The following PDE1A variants were observed in gnomAD, a reference collection of about 807,000 sequenced individuals.
The protein encoded by PDE1A is dual specificity calcium/calmodulin-dependent 3',5'-cyclic nucleotide phosphodiesterase 1A.
A neutral mutation model predicts 61.7 loss-of-function variants in PDE1A; 35 were observed. The observed-to-expected ratio is 0.57, with a 90% CI of 0.43 to 0.75. The LOEUF is 0.75. Among genes scored for constraint, PDE1A ranks in the 30% least tolerant of loss-of-function variants. The pLI is 0.00. For missense variants in PDE1A, 597 were observed against 630.6 expected (o/e 0.95, Z 0.57); for synonymous variants, 232 against 213.2 (o/e 1.09, Z -0.77).
chr2:182,460,838 A>G (rs1686235998), intron 2 of PDE1A, among the ~76,000 whole-genome samples: 1 of 152,188 alleles, frequency 6.6e-6, no homozygotes, highest in East Asian at 1.9e-4. Context: ...AAGTAATTGT[A>G]GTTTTTGTTA....
chr2:182,656,169 A>G, the PDE1A span, among the ~76,000 whole-genome samples: 2 of 152,246 alleles, frequency 1.3e-5, no homozygotes, highest in Non-Finnish European at 2.9e-5. Flanking sequence ...ATTCTTAGCC[A>G]TCATGATACC....
At chr2:182,408,705 GCTCT>G (rs1036408498) in intron 1 of PDE1A, among the ~76,000 whole-genome samples, 39 of 152,270 alleles carry the variant, frequency 2.6e-4, no homozygotes, top group Admixed American at 1.8e-3. Context: ...TACACCTACT[GCTCT>G]CTCTATCACT....
the PDE1A span, among the ~76,000 whole-genome samples, chr2:182,533,971 G>A: frequency 1.5e-4 from 23 of 151,842 alleles, no homozygotes; most frequent in South Asian, 4.2e-4. Flanking sequence ...GATATCAATG[G>A]CAACATTTTA....
chr2:182,378,125 C>A (rs1285536480), intron 1 of PDE1A, among the ~76,000 whole-genome samples: 2 of 152,156 alleles, frequency 1.3e-5, no homozygotes, highest in African/African-American at 2.4e-5. Flanking sequence ...GGATTACAGG[C>A]GTGAGCCACC....
chr2:182,455,345 G>T (rs575616048), intron 2 of PDE1A, among the ~76,000 whole-genome samples: 1 of 152,284 alleles, frequency 6.6e-6, no homozygotes, highest in African/African-American at 2.4e-5. Flanking sequence ...GGAAGTCAGT[G>T]TGGCGATTCC....
At chr2:182,601,564 G>C in the PDE1A span, among the ~76,000 whole-genome samples, 1 of 152,192 alleles carries the variant, frequency 6.6e-6, no homozygotes, top group Non-Finnish European at 1.5e-5. Flanking sequence ...CCTGTGACCA[G>C]GAAGAATGAG....
chr2:182,716,291 C>G, the PDE1A span: 4 of 152,450 alleles, frequency 2.6e-5, no homozygotes, highest in African/African-American at 7.2e-5. Context: ...CGTGAGGAAC[C>G]TACCGGTACC....
chr2:182,426,849 C>T, exon 1 of PDE1A: 1 of 1,366,878 alleles, frequency 7.3e-7, no homozygotes, highest in Non-Finnish European at 9.4e-7. Flanking sequence ...GGGGCACTCC[C>T]CCACAGAGCA....
intron 2 of PDE1A, among the ~76,000 whole-genome samples, chr2:182,455,518 C>T (rs1227877667): frequency 1.3e-5 from 2 of 152,108 alleles, no homozygotes; most frequent in Admixed American, 1.3e-4. Context: ...AAATGTCCAA[C>T]AATGATAGAC....
intron 13 of PDE1A, among the ~76,000 whole-genome samples, chr2:182,153,352 G>C (rs905441949): frequency 2.6e-5 from 4 of 152,160 alleles, no homozygotes; most frequent in Admixed American, 6.5e-5. Context: ...GAGGAGGTAC[G>C]GTGGAGCCTG....
chr2:182,293,282 C>T (rs371641796), intron 1 of PDE1A, among the ~76,000 whole-genome samples: 8 of 152,124 alleles, frequency 5.3e-5, no homozygotes, highest in South Asian at 4.2e-4. Flanking sequence ...CAACAAATAA[C>T]GCAACAACCC....
At chr2:182,278,168 C>T (rs1231642496) in intron 1 of PDE1A, among the ~76,000 whole-genome samples, 10 of 151,992 alleles carry the variant, frequency 6.6e-5, no homozygotes, top group Admixed American at 6.6e-4. Flanking sequence ...CCTACAACAA[C>T]TCACATCAAG....
chr2:182,560,888 A>G, the PDE1A span, among the ~76,000 whole-genome samples: 5 of 152,024 alleles, frequency 3.3e-5, no homozygotes, highest in African/African-American at 4.8e-5. Context: ...CATGTCCTTC[A>G]CCCACTTTTT....
chr2:182,715,230 C>T, the PDE1A span, among the ~76,000 whole-genome samples: 1 of 152,136 alleles, frequency 6.6e-6, no homozygotes. Flanking sequence ...TCAGTTTCCT[C>T]AAATGGGAAA....
chr2:182,588,688 C>T, the PDE1A span, among the ~76,000 whole-genome samples: 1 of 152,048 alleles, frequency 6.6e-6, no homozygotes, highest in Non-Finnish European at 1.5e-5. Context: ...TTCTTTTTTC[C>T]TCACAGTATT....
At chr2:182,141,363 A>T (rs1690219419) in exon 15 of PDE1A, 1 of 147,412 alleles carries the variant, frequency 6.8e-6, no homozygotes, top group Non-Finnish European at 1.5e-5. Flanking sequence ...TGAAAGGACA[A>T]AAAGTAACCA....
intron 6 of PDE1A, 118 bp downstream of exon 6, chr2:182,229,888 T>C: frequency 1.6e-6 from 1 of 623,124 alleles, no homozygotes. Context: ...AATTATTCTT[T>C]ATAATACTTA....
At chr2:182,209,814 G>A (rs1029833872) in intron 7 of PDE1A, among the ~76,000 whole-genome samples, 5 of 152,060 alleles carry the variant, frequency 3.3e-5, no homozygotes, top group Admixed American at 6.6e-5. Flanking sequence ...CATGCCTTCT[G>A]TATGGCATCT....
intron 7 of PDE1A, among the ~76,000 whole-genome samples, chr2:182,220,961 T>C (rs1323316674): frequency 6.6e-6 from 1 of 152,100 alleles, no homozygotes; most frequent in Admixed American, 6.6e-5. Flanking sequence ...TCATGTAGAA[T>C]TAATTCATTA....
Sources: allele counts gnomAD v4.1 joint callset (sites outside exome capture counted in the v4.1 genomes callset), GRCh38; gene constraint gnomAD v4.1.1; transcripts MANE v1.5; gene names NCBI Gene and HGNC (gene_info 2026-07-23, HGNC 2026-07-21).